ZNF559: variants seen among roughly 807,000 people sequenced by gnomAD.
ZNF559 encodes zinc finger protein 559.
ZNF559 carries 17 observed loss-of-function variants against 14.2 expected under a neutral mutation model. That is an observed-to-expected ratio of 1.20 (90% CI 0.82 to 1.80). The LOEUF (loss-of-function observed/expected upper bound fraction) is 1.80, where lower values mean the gene tolerates loss of function less well. Among genes scored for constraint, ZNF559 ranks in the 40% most tolerant of loss-of-function variants. The pLI, the probability that ZNF559 is intolerant of heterozygous loss-of-function variation, is 0.00. For missense variants in ZNF559, 740 were observed against 629.7 expected, an observed-to-expected ratio of 1.18 and a Z score of -1.88; for synonymous variants, 244 against 212.4, an observed-to-expected ratio of 1.15 and a Z score of -1.29.
In ZNF559 at chr19:9,341,372, T is replaced by C. The variant is rs745674699; in HGVS notation, c.243+188T>C. The C allele has an allele frequency of 2.2e-4, 167 of 759,806 alleles. 1 individual carries two copies. Among genetic ancestry groups the C allele is most frequent in the Non-Finnish European group, 3.6e-4 (153 of 429,464 alleles). 47.1% of individuals were successfully genotyped at this position (759,806 alleles called of 1,614,324 possible). A position where few individuals can be genotyped will look rare whatever the true frequency, so the allele number is the denominator to read the frequency against. On this transcript the variant is annotated intron_variant, in intron 6 of 6. Coordinates refer to ENST00000603380, the MANE Select transcript of ZNF559 (RefSeq NM_032497.3). The stretch of plus-strand genomic sequence containing the variant: ...AACACTCTAAACATCCCTCAGAATA[T>C]ATTTGTTTACATATTTCCTTCAACA...
intron 2 of ZNF559, among the ~76,000 whole-genome samples, chr19:9,327,014 A>T (rs1393532528): frequency 1.3e-5 from 2 of 152,160 alleles, no homozygotes; most frequent in Admixed American, 1.3e-4. Flanking sequence ...GACTGGCCAG[A>T]TCCAAGGCTT....
In ZNF559 at chr19:9,324,215, C is replaced by T. The variant is rs946165663; in HGVS notation, c.-219C>T. 5 of 1,535,976 alleles carry T rather than the reference C, an allele frequency of 3.3e-6. No homozygotes were observed. In the African/African-American group the frequency reaches 4.1e-5, roughly 13 times the overall value. On this transcript the variant is annotated 5_prime_UTR_variant, in exon 1 of 7. Transcript: ENST00000603380. The stretch of plus-strand genomic sequence containing the variant: ...GGCCGCCATCTTAACAGCGCGTTCC[C>T]GTTGGCGTCTGAGGTAAGTTTTTGT...
intron 4 of ZNF559, among the ~76,000 whole-genome samples, chr19:9,338,867 T>TGCAC (rs2067384644): frequency 6.6e-6 from 1 of 152,238 alleles, no homozygotes; most frequent in African/African-American, 2.4e-5. Context: ...CTTCTCGGAA[T>TGCAC]TTGTGCTGTC....
intron 2 of ZNF559, among the ~76,000 whole-genome samples, chr19:9,337,398 C>G (rs2067298706): frequency 6.6e-6 from 1 of 152,192 alleles, no homozygotes; most frequent in Non-Finnish European, 1.5e-5. Flanking sequence ...ACAAACTGAG[C>G]CAAGTGTCAG....
chr19:9,338,241 T>G (rs8113427), intron 3 of ZNF559, among the ~76,000 whole-genome samples: 92,620 of 152,032 alleles, frequency 0.61, 28,844 homozygotes, highest in African/African-American at 0.73. Context: ...GATCAGTTTC[T>G]TTTTTGGCAA....
Position 9,339,314 on chromosome 19 carries a change from C to G in ZNF559, c.155C>G (p.Ala52Gly), listed in dbSNP as rs2067411829. The G allele has an allele frequency of 1.2e-6, 2 of 1,611,970 alleles. No homozygotes were observed. Among genetic ancestry groups the G allele is most frequent in the South Asian group, 2.2e-5 (2 of 90,862 alleles). ...CTGGAGAACTATAAGAATCTAGTTG[C>G]AGTAGGTAAGGCTGGTACCATTCTT... is the stretch of plus-strand genomic sequence containing the variant. ...VMLENYKNLV[A>G]VDWESHINTK... Residue 52 changes from alanine (A) to glycine (G), a missense_variant, in exon 5 of 7, where the codon GCA becomes GGA. Ala to Gly is a moderately conservative substitution (Grantham distance 60). Transcript: ENST00000603380.
intron 2 of ZNF559, among the ~76,000 whole-genome samples, chr19:9,335,892 T>C (rs2067211625): frequency 6.6e-6 from 1 of 152,186 alleles, no homozygotes. Context: ...ATAAACGTAA[T>C]AGTTAAGCAT....
chr19:9,327,085 A>G (rs537731740), intron 2 of ZNF559, among the ~76,000 whole-genome samples: 4 of 152,298 alleles, frequency 2.6e-5, no homozygotes, highest in South Asian at 2.1e-4. Context: ...ACATACTACA[A>G]GTTTGTTAGT....
intron 5 of ZNF559, 103 bp downstream of exon 5, chr19:9,339,422 C>A: frequency 7.5e-7 from 1 of 1,325,762 alleles, no homozygotes; most frequent in Non-Finnish European, 1.0e-6. Flanking sequence ...CATTGGTAAA[C>A]AGGCGAAACA....
At position 9,338,452 on chromosome 19, in the gene ZNF559, A is replaced by G. The variant is rs543735644; in HGVS notation, c.-56-42A>G. ...TTCTTGCCTTGTGAGTATGGAAGCT[A>G]TCAGCAGCCTGGATTCTCAGATTTT... On this transcript the variant is annotated intron_variant, in intron 3 of 6. Transcript: ENST00000603380. 13 of 1,497,148 alleles carry G rather than the reference A, an allele frequency of 8.7e-6. No homozygotes were observed. The African/African-American group carries it at 1.2e-4, about 14-fold the overall frequency. The allele number at this position is 1,497,148 out of a possible 1,614,324, so 92.7% of individuals were successfully genotyped here.
rs753090392 is a variant in ZNF559, at chr19:9,339,264, G to C, written c.105G>C (p.Gln35His). 7 of 1,613,884 alleles carry C rather than the reference G, an allele frequency of 4.3e-6. No individual in the cohort carries two copies. The Admixed American group carries it at 6.7e-5, about 15-fold the overall frequency. ...QEEWTLLDQT[Q>H]RNLYRDVMLE... ...AGTGGACTTTGCTGGATCAAACTCA[G>C]AGAAACTTATACAGAGATGTGATGC... Residue 35 changes from glutamine (Q) to histidine (H), a missense_variant, in exon 5 of 7, where the codon CAG becomes CAC. Gln to His is a conservative substitution (Grantham distance 24). Transcript: ENST00000603380.
At chr19:9,334,787 A>G (rs2067137197) in intron 2 of ZNF559, among the ~76,000 whole-genome samples, 1 of 152,210 alleles carries the variant, frequency 6.6e-6, no homozygotes, top group Non-Finnish European at 1.5e-5. Flanking sequence ...TTAATGGGAA[A>G]AAAAGTAAAA....
intron 1 of ZNF559, chr19:9,324,494 C>A: frequency 7.3e-7 from 1 of 1,372,708 alleles, no homozygotes; most frequent in Non-Finnish European, 9.6e-7. Context: ...CTGCTCCCCT[C>A]TGCAGAAGCC....
Position 9,343,349 on chromosome 19 carries a change from T to G in ZNF559, c.*281T>G, listed in dbSNP as rs1050029741. 8.4e-7 allele frequency: 1 copy of G among 1,191,090 alleles called. No homozygotes were observed. The highest frequency in any genetic ancestry group is 2.3e-5 in the South Asian group (1 of 42,852). 73.8% of individuals were successfully genotyped at this position (1,191,090 alleles called of 1,614,324 possible). Reference sequence around the variant, plus strand: ...CTGTCGATGCTTACATCTTACTGAGTCTGTTTGAACTCATGCTGGAGAGAA... The same window carrying G: ...CTGTCGATGCTTACATCTTACTGAGGCTGTTTGAACTCATGCTGGAGAGAA... On this transcript the variant is annotated 3_prime_UTR_variant, in exon 7 of 7. Coordinates refer to ENST00000603380, the MANE Select transcript of ZNF559 (RefSeq NM_032497.3).
Position 9,343,105 on chromosome 19 carries a change from A to T in ZNF559, c.*37A>T. The T allele has an allele frequency of 6.3e-7, 1 of 1,575,996 alleles. No individual in the cohort carries two copies. The highest frequency in any genetic ancestry group is 8.6e-7 in the Non-Finnish European group (1 of 1,164,838). On this transcript the variant is annotated 3_prime_UTR_variant, in exon 7 of 7. Transcript: ENST00000603380. ...TACTTGGAAAGAATGTGGTAAAGCC[A>T]CTACTTCCTCACACTTACTGAACAT...
At chr19:9,333,319 G>A (rs2067037251) in intron 2 of ZNF559, among the ~76,000 whole-genome samples, 1 of 152,080 alleles carries the variant, frequency 6.6e-6, no homozygotes, top group Non-Finnish European at 1.5e-5. Flanking sequence ...TTTAGAAATG[G>A]GACTTCTAAG....
chr19:9,324,868 G>A, intron 2 of ZNF559, 88 bp downstream of exon 2: 2 of 1,152,784 alleles, frequency 1.7e-6, no homozygotes, highest in South Asian at 2.6e-5. Flanking sequence ...TTTTCAGGTG[G>A]TTGTTCGAGA....
chr19:9,334,657 TCTA>T (rs769753351), intron 2 of ZNF559, among the ~76,000 whole-genome samples: 67 of 152,236 alleles, frequency 4.4e-4, no homozygotes, highest in Middle Eastern at 3.2e-3. Context: ...CCTTTGTAAT[TCTA>T]CTCTTTTGTG....
chr19:9,341,816 A>G lies in ZNF559; in HGVS notation c.365A>G (p.Asn122Ser), dbSNP rs1392216936. The G allele has an allele frequency of 6.2e-7, 1 of 1,611,434 alleles. No homozygotes were observed. The highest frequency in any genetic ancestry group is 1.7e-5 in the Admixed American group (1 of 59,296). Residue 122 changes from asparagine to serine, a missense_variant, in exon 7 of 7, where the codon AAT becomes AGT. Transcript: ENST00000603380. Reference sequence around the variant, plus strand: ...TTTAGAAAGAAAACCTGTGAGTGTAATCAATGTGAAAAAGCCTTCAGAAAA... The same window carrying G: ...TTTAGAAAGAAAACCTGTGAGTGTAGTCAATGTGAAAAAGCCTTCAGAAAA... ...TYFRKKTCEC[N>S]QCEKAFRKPS...
Sources: gnomAD v4.1 joint callset for allele counts (sites outside exome capture counted in the v4.1 genomes callset) on GRCh38, gnomAD v4.1.1 for gene constraint, MANE v1.5 for transcripts, NCBI Gene and HGNC (gene_info 2026-07-23, HGNC 2026-07-21) for gene names.